The following SMG8 variants were observed in gnomAD, a reference collection of about 807,000 sequenced individuals.
SMG8 encodes SMG8 nonsense mediated mRNA decay factor.
A neutral mutation model predicts 82.1 loss-of-function variants in SMG8; 49 were observed. The observed-to-expected ratio is 0.60, with a 90% confidence interval of 0.47 to 0.76. The LOEUF is 0.76. Ranked by LOEUF, SMG8 falls within the 30% of genes least tolerant of loss-of-function variation. SMG8 has a pLI of 0.00. For synonymous variants in SMG8, 404 were observed against 430.0 expected (o/e 0.94, Z 0.75); for missense variants, 969 against 1,166.4 (o/e 0.83, Z 2.46).
In SMG8 at chr17:59,213,701, T is replaced by G. The variant is rs942019870; in HGVS notation, c.2778+100T>G. 5 of 1,452,010 alleles carry G rather than the reference T, an allele frequency of 3.4e-6. No homozygotes were observed. In the African/African-American group the frequency reaches 7.1e-5, roughly 21 times the overall value. 89.9% of individuals were successfully genotyped at this position (1,452,010 alleles called of 1,614,324 possible). A position where few individuals can be genotyped will look rare whatever the true frequency, so the allele number is the denominator to read the frequency against. On this transcript the variant is annotated intron_variant, in intron 3 of 3. Coordinates refer to ENST00000300917, the MANE Select transcript of SMG8 (RefSeq NM_018149.7). ...ACAAGTTAGCCTCAAAACTAATTATTTCAGGCTGAGGGCAGTGGCTCATGC... is the reference window on the plus strand; with the variant it reads ...ACAAGTTAGCCTCAAAACTAATTATGTCAGGCTGAGGGCAGTGGCTCATGC...
In SMG8 at chr17:59,210,168, G is replaced by A; in HGVS notation, c.117G>A (p.Glu39=). 2 of 1,591,522 alleles carry A rather than the reference G, an allele frequency of 1.3e-6. No individual in the cohort carries two copies. The highest frequency in any genetic ancestry group is 1.1e-5 in the South Asian group (1 of 87,580). The change falls in exon 1 of 4, where the codon GAG becomes GAA. Residue 39 remains glutamate, a synonymous_variant. Coordinates refer to ENST00000300917, the MANE Select transcript of SMG8 (RefSeq NM_018149.7). ...GAGGGAGCGCGGCTGGCGGACCGGA[G>A]CCTCCATGGCGGGAGGATGAGATCT... ...EGGGSAAGGP[E]PPWREDEICV...
At position 59,212,729 on chromosome 17, in the gene SMG8, C is replaced by A; in HGVS notation, c.1906C>A (p.Leu636Ile). The A allele has an allele frequency of 6.3e-7, 1 of 1,596,042 alleles. No homozygotes were observed. The highest frequency in any genetic ancestry group is 2.2e-5 in the East Asian group (1 of 44,802). Residue 636 changes from leucine (L) to isoleucine (I), a missense_variant and splice_region_variant, in exon 3 of 4, where the codon CTT becomes ATT. Physicochemically the swap from Leu to Ile is conservative, Grantham distance 5. Around this residue, in one of 3 missense-constraint regions of SMG8, gnomAD observed 662 missense variants for 884.8 expected, o/e 0.75. Transcript: ENST00000300917. ...IKAANYDFYQ[L>I]LEEKCCGKLD... is the part of the protein sequence containing the mutation. ...GGATTTTTTTTCTTACCCTCTATAGCTTCTGGAAGAAAAGTGTTGTGGAAA... is the reference window on the plus strand; with the variant it reads ...GGATTTTTTTTCTTACCCTCTATAGATTCTGGAAGAAAAGTGTTGTGGAAA...
At chr17:59,212,638 TTTAC>T in intron 2 of SMG8, 87 bp from the exon 3 acceptor site, 1 of 1,470,634 alleles carries the variant, frequency 6.8e-7, no homozygotes, top group Non-Finnish European at 9.1e-7. Context: ...TGTGTACATA[TTTAC>T]TTACACATCA....
Position 59,211,061 on chromosome 17 carries a change from A to G in SMG8, c.1010A>G (p.Tyr337Cys). 1.9e-6 allele frequency: 3 copies of G among 1,614,250 alleles called. No individual in the cohort carries two copies. The highest frequency in any genetic ancestry group is 2.5e-6 in the Non-Finnish European group (3 of 1,180,042). The change falls in exon 1 of 4, where the codon TAC (tyrosine) becomes TGC (cysteine). Residue 337 changes from tyrosine (Y) to cysteine (C), a missense_variant. This residue lies in a region of SMG8 where 662 missense variants were observed against 884.8 expected (regional missense o/e 0.75). Coordinates refer to ENST00000300917, the MANE Select transcript of SMG8 (RefSeq NM_018149.7). ...FTVPANQAFV[Y>C]IVPGSQEEDP... ...GTGCCTGCCAACCAAGCTTTCGTGT[A>G]CATAGTACCGGGAAGCCAGGAGGAG... is the stretch of plus-strand genomic sequence containing the variant.
At position 59,211,850 on chromosome 17, in the gene SMG8, G is replaced by A. The variant is rs369671814; in HGVS notation, c.1759+40G>A. ...TTCAGCATTTTGAAATAAAAACTTTGAGCTGTGTTTTCATTCTTGTTTTAA... is the reference window on the plus strand; with the variant it reads ...TTCAGCATTTTGAAATAAAAACTTTAAGCTGTGTTTTCATTCTTGTTTTAA... On this transcript the variant is annotated intron_variant, in intron 1 of 3. Transcript: ENST00000300917. The A allele has an allele frequency of 3.4e-5, 50 of 1,473,152 alleles. No individual in the cohort carries two copies. The African/African-American group carries it at 6.4e-4, about 19-fold the overall frequency. The allele number at this position is 1,473,152 out of a possible 1,614,324, so 91.3% of individuals were successfully genotyped here. A position where few individuals can be genotyped will look rare whatever the true frequency, so the allele number is the denominator to read the frequency against.
chr17:59,214,543 G>A (rs891089379), intron 3 of SMG8, among the ~76,000 whole-genome samples: 1 of 152,082 alleles, frequency 6.6e-6, no homozygotes, highest in African/African-American at 2.4e-5. Context: ...CCCAGTAACA[G>A]ATTACAGGCA....
At position 59,213,354 on chromosome 17, in the gene SMG8, G is replaced by A. The variant is rs749619868; in HGVS notation, c.2531G>A (p.Arg844Gln). The A allele has an allele frequency of 1.9e-6, 3 of 1,614,168 alleles. No individual in the cohort carries two copies. The highest frequency in any genetic ancestry group is 1.7e-5 in the Admixed American group (1 of 60,006). The change falls in exon 3 of 4, where the codon CGA becomes CAA. Residue 844 changes from arginine (R) to glutamine (Q), a missense_variant. Arg to Gln is a conservative substitution (Grantham distance 43). Transcript: ENST00000300917. ...GGAAGACGGCGAGATGACATAGCTC[G>A]AGCTTTTGTGGGCTTTGAATATGAA... ...GRGRRRDDIA[R>Q]AFVGFEYEDS...
chr17:59,212,682 T>G, intron 2 of SMG8, 47 bp from the exon 3 acceptor site: 1 of 1,535,478 alleles, frequency 6.5e-7, no homozygotes, highest in Non-Finnish European at 8.7e-7. Context: ...TGAAGAATAT[T>G]ATTTAAAATG....
At position 59,211,584 on chromosome 17, in the gene SMG8, CCAGT is replaced by C; in HGVS notation, c.1536_1539del (p.Ser513IlefsTer8). On this transcript the variant is annotated frameshift_variant, in exon 1 of 4. Transcript: ENST00000300917. LOFTEE classifies it high-confidence loss of function. The stretch of plus-strand genomic sequence containing the variant: ...CTTTACCCATGGCCCACAGTGCCTA[CCAGT>C]CAAATTTGCCTCATAATTACACAAT... The C allele has an allele frequency of 6.2e-7, 1 of 1,614,050 alleles. No homozygotes were observed. The highest frequency in any genetic ancestry group is 8.5e-7 in the Non-Finnish European group (1 of 1,179,940).
chr17:59,215,024 C>T lies in SMG8; in HGVS notation c.*22C>T, dbSNP rs752008961. On this transcript the variant is annotated 3_prime_UTR_variant, in exon 4 of 4. Transcript: ENST00000300917. ...ATAAGTGTTTTCCAGCCAGTTCAAT[C>T]CTATACTTGAGCTGGTTTTTGTTTT... The T allele has an allele frequency of 1.0e-5, 9 of 864,812 alleles. No homozygotes were observed. The East Asian group carries it at 2.2e-4, about 21-fold the overall frequency. 53.6% of individuals were successfully genotyped at this position (864,812 alleles called of 1,614,324 possible). A position where few individuals can be genotyped will look rare whatever the true frequency, so the allele number is the denominator to read the frequency against.
At position 59,211,165 on chromosome 17, in the gene SMG8, C is replaced by T; in HGVS notation, c.1114C>T (p.Pro372Ser). ...CCCGGAATCTTTGCTGGTGCCTGCA[C>T]CCCTTTCTGGGCCTAGGCGATACCA... is the stretch of plus-strand genomic sequence containing the variant. Reference protein sequence around the residue: ...KDPESLLVPAPLSGPRRYQVM... With the variant: ...KDPESLLVPASLSGPRRYQVM... Residue 372 changes from proline (P) to serine (S), a missense_variant, in exon 1 of 4, where the codon CCC becomes TCC. This residue lies in a region of SMG8 where 662 missense variants were observed against 884.8 expected (regional missense o/e 0.75). Coordinates refer to ENST00000300917, the MANE Select transcript of SMG8 (RefSeq NM_018149.7). 1 of 1,614,196 alleles carries T rather than the reference C, an allele frequency of 6.2e-7. No individual in the cohort carries two copies. The highest frequency in any genetic ancestry group is 8.5e-7 in the Non-Finnish European group (1 of 1,180,018).
rs149511152 is a variant in SMG8, at chr17:59,210,609, C to T, written c.558C>T (p.His186=). ...TCTCTTTACCTCATGCAGAAGCACA[C>T]GAGTTCTGGAAGCATCAAGAGAAGC... ...GGLSLPHAEA[H]EFWKHQEKLQ... The change falls in exon 1 of 4, where the codon CAC becomes CAT. Residue 186 remains histidine (H), a synonymous_variant. Coordinates refer to ENST00000300917, the MANE Select transcript of SMG8 (RefSeq NM_018149.7). 1.4e-5 allele frequency: 23 copies of T among 1,604,946 alleles called. No individual in the cohort carries two copies. Among genetic ancestry groups the T allele is most frequent in the Non-Finnish European group, 1.7e-5 (20 of 1,176,062 alleles).
chr17:59,210,306 TG>T lies in SMG8; in HGVS notation c.259del (p.Asp87IlefsTer147). 6.2e-7 allele frequency: 1 copy of T among 1,612,930 alleles called. No homozygotes were observed. Among genetic ancestry groups the T allele is most frequent in the Non-Finnish European group, 8.5e-7 (1 of 1,179,670 alleles). ...VFPLFRHQDP[G>X]DPGPGIRTEA... ...TTCCTCTCTTTCGCCACCAAGATCC[TG>T]GGGATCCAGGACCTGGAATCAGAAC... is the stretch of plus-strand genomic sequence containing the variant. On this transcript the variant is annotated frameshift_variant, in exon 1 of 4. Coordinates refer to ENST00000300917, the MANE Select transcript of SMG8 (RefSeq NM_018149.7). LOFTEE classifies it high-confidence loss of function.
Position 59,210,606 on chromosome 17 carries a change from A to G in SMG8, c.555A>G (p.Ala185=), listed in dbSNP as rs1310114001. 3.1e-6 allele frequency: 5 copies of G among 1,604,216 alleles called. No individual in the cohort carries two copies. Among genetic ancestry groups the G allele is most frequent in the Non-Finnish European group, 4.3e-6 (5 of 1,175,794 alleles). The change falls in exon 1 of 4, where the codon GCA becomes GCG. Residue 185 remains alanine (A), a synonymous_variant. Transcript: ENST00000300917. ...GACTCTCTTTACCTCATGCAGAAGC[A>G]CACGAGTTCTGGAAGCATCAAGAGA... ...GGGLSLPHAE[A]HEFWKHQEKL...
Position 59,210,392 on chromosome 17 carries a change from GT to G in SMG8, c.343del (p.Ser115GlnfsTer119). 1 of 1,610,746 alleles carries G rather than the reference GT, an allele frequency of 6.2e-7. No homozygotes were observed. Among genetic ancestry groups the G allele is most frequent in the Non-Finnish European group, 8.5e-7 (1 of 1,178,640 alleles). ...GAEDPGAAAG[G>X]SVRGSGAVAE... ...GAGGACCCTGGGGCTGCAGCCGGGGGTTCAGTTCGGGGAAGTGGAGCTGTCG... is the reference window on the plus strand; with the variant it reads ...GAGGACCCTGGGGCTGCAGCCGGGGGTCAGTTCGGGGAAGTGGAGCTGTCG... On this transcript the variant is annotated frameshift_variant, in exon 1 of 4. Transcript: ENST00000300917. LOFTEE classifies it high-confidence loss of function.
Position 59,211,580 on chromosome 17 carries a change from C to T in SMG8, c.1529C>T (p.Ala510Val). The T allele has an allele frequency of 4.3e-6, 7 of 1,614,140 alleles. No individual in the cohort carries two copies. The highest frequency in any genetic ancestry group is 5.9e-6 in the Non-Finnish European group (7 of 1,180,034). The change falls in exon 1 of 4, where the codon GCC becomes GTC. Residue 510 changes from alanine to valine, a missense_variant. Transcript: ENST00000300917. ...AAAGCTTTACCCATGGCCCACAGTGCCTACCAGTCAAATTTGCCTCATAAT... is the reference window on the plus strand; with the variant it reads ...AAAGCTTTACCCATGGCCCACAGTGTCTACCAGTCAAATTTGCCTCATAAT... ...CQKALPMAHS[A>V]YQSNLPHNYT...
intron 1 of SMG8, 90 bp downstream of exon 1, chr17:59,211,900 T>A: frequency 8.3e-7 from 1 of 1,206,208 alleles, no homozygotes; most frequent in Non-Finnish European, 1.1e-6. Context: ...TATGTATTGA[T>A]ATTTTAGAAA....
Position 59,210,089 on chromosome 17 carries a change from G to A in SMG8, c.38G>A (p.Gly13Glu), listed in dbSNP as rs1330337025. 2 of 1,580,376 alleles carry A rather than the reference G, an allele frequency of 1.3e-6. No individual in the cohort carries two copies. The highest frequency in any genetic ancestry group is 1.7e-6 in the Non-Finnish European group (2 of 1,166,194). ...GTGAGCTTGCGAGACCTTCTAATGGGAGCATCAGCCTGGATGGGCTCTGAA... is the reference window on the plus strand; with the variant it reads ...GTGAGCTTGCGAGACCTTCTAATGGAAGCATCAGCCTGGATGGGCTCTGAA... ...GPVSLRDLLM[G>E]ASAWMGSESP... The change falls in exon 1 of 4, where the codon GGA becomes GAA. Residue 13 changes from glycine (G) to glutamate (E), a missense_variant. Around this residue, in one of 3 missense-constraint regions of SMG8, gnomAD observed 206 missense variants for 190.5 expected, o/e 1.08. Coordinates refer to ENST00000300917, the MANE Select transcript of SMG8 (RefSeq NM_018149.7).
In SMG8 at chr17:59,212,324, G is replaced by A. The variant is rs2046949223; in HGVS notation, c.1760-17G>A. The A allele has an allele frequency of 6.5e-7, 1 of 1,546,768 alleles. No individual in the cohort carries two copies. The highest frequency in any genetic ancestry group is 1.4e-5 in the African/African-American group (1 of 73,692). ...CATTGTGTTTATGAAATTAATAGTG[G>A]CTGTTATATTTTCCAGGAGAAAAAC... On this transcript the variant is annotated splice_polypyrimidine_tract_variant and intron_variant, in intron 1 of 3. Coordinates refer to ENST00000300917, the MANE Select transcript of SMG8 (RefSeq NM_018149.7).
Sources: gnomAD v4.1 joint callset for allele counts (sites outside exome capture counted in the v4.1 genomes callset) on GRCh38, gnomAD v4.1.1 for gene constraint, gnomAD v4.1.1 regional missense constraint, MANE v1.5 for transcripts, NCBI Gene and HGNC (gene_info 2026-07-23, HGNC 2026-07-21) for gene names.